KCNJ12: variants seen among roughly 807,000 people sequenced by gnomAD.
The protein encoded by KCNJ12 is ATP-sensitive inward rectifier potassium channel 12.
In KCNJ12, 2 loss-of-function variants were observed where a neutral mutation model predicts 22.3. The ratio of observed to expected loss-of-function variants is 0.09; its 90% CI spans 0.04 to 0.28. KCNJ12 has a LOEUF of 0.28. Among genes scored for constraint, KCNJ12 ranks in the 10% least tolerant of loss-of-function variants. The probability of loss-of-function intolerance (pLI) is 1.00; values close to 1 mark genes in which losing one functional copy is unlikely to be tolerated. For missense variants in KCNJ12, 155 were observed against 633.3 expected, an observed-to-expected ratio of 0.24 and a Z score of 8.11; for synonymous variants, 117 against 261.4, an observed-to-expected ratio of 0.45 and a Z score of 5.33.
chr17:21,414,303 C>T (rs1469979364), intron 2 of KCNJ12, among the ~76,000 whole-genome samples: 7 of 152,276 alleles, frequency 4.6e-5, no homozygotes, highest in African/African-American at 9.6e-5. Context: ...GGTGAAACCC[C>T]GTCTCTACTT....
chr17:21,390,008 C>A (rs1313974298), intron 1 of KCNJ12, among the ~76,000 whole-genome samples: 1 of 152,168 alleles, frequency 6.6e-6, no homozygotes, highest in Non-Finnish European at 1.5e-5. Context: ...CTGCCTCATT[C>A]CAGAACCTTC....
chr17:21,387,733 C>G (rs1905114093), intron 1 of KCNJ12, among the ~76,000 whole-genome samples: 1 of 152,224 alleles, frequency 6.6e-6, no homozygotes, highest in Non-Finnish European at 1.5e-5. Context: ...GTTTAGTTAA[C>G]TGGCCTCACT....
At chr17:21,382,781 G>C (rs1479745642) in intron 1 of KCNJ12, among the ~76,000 whole-genome samples, 1 of 152,208 alleles carries the variant, frequency 6.6e-6, no homozygotes, top group Non-Finnish European at 1.5e-5. Context: ...GGTGTGCCAG[G>C]ATGGGAGATT....
At chr17:21,411,404 C>A (rs1274283624) in intron 2 of KCNJ12, among the ~76,000 whole-genome samples, 1 of 152,226 alleles carries the variant, frequency 6.6e-6, no homozygotes, top group Non-Finnish European at 1.5e-5. Flanking sequence ...CGTGCTCTCT[C>A]CCCACTGCCT....
chr17:21,398,612 T>G (rs1905463700), intron 1 of KCNJ12, among the ~76,000 whole-genome samples: 1 of 152,208 alleles, frequency 6.6e-6, no homozygotes, highest in Admixed American at 6.5e-5. Context: ...GCTGCCGTCC[T>G]GTCCCCATCT....
chr17:21,402,439 CGT>C (rs1363717370), intron 1 of KCNJ12, among the ~76,000 whole-genome samples: 2 of 152,300 alleles, frequency 1.3e-5, no homozygotes, highest in Non-Finnish European at 1.5e-5. Flanking sequence ...CGCCGCTGAG[CGT>C]GTGAGTCAAT....
At chr17:21,410,180 C>A (rs1420729206) in intron 2 of KCNJ12, among the ~76,000 whole-genome samples, 7 of 152,222 alleles carry the variant, frequency 4.6e-5, no homozygotes, top group African/African-American at 1.7e-4. Flanking sequence ...CCCAGCCTAG[C>A]CTTGATGTGG....
chr17:21,395,293 GAA>G (rs1161884090), intron 1 of KCNJ12, among the ~76,000 whole-genome samples: 631 of 55,674 alleles, frequency 0.011, 7 homozygotes, highest in African/African-American at 0.024. Context: ...AGATCCTAAA[GAA>G]AAAAAAAAAA....
intron 1 of KCNJ12, among the ~76,000 whole-genome samples, chr17:21,395,587 A>AAT (rs1905332504): frequency 2.0e-5 from 3 of 151,184 alleles, no homozygotes; most frequent in Non-Finnish European, 4.4e-5. Context: ...AAAAAAAAAA[A>AAT]AAAAAAAGAA....
chr17:21,415,069 T>C (rs1906617312), intron 2 of KCNJ12, among the ~76,000 whole-genome samples: 1 of 152,294 alleles, frequency 6.6e-6, no homozygotes, highest in Non-Finnish European at 1.5e-5. Flanking sequence ...GAGTGAGGTG[T>C]GGAGCTGAGG....
chr17:21,398,107 G>A (rs1300094823), intron 1 of KCNJ12, among the ~76,000 whole-genome samples: 4 of 152,126 alleles, frequency 2.6e-5, no homozygotes, highest in African/African-American at 9.7e-5. Flanking sequence ...GTGTGTGTGT[G>A]TGTGTGTGTG....
chr17:21,400,467 C>G (rs1371840899), intron 1 of KCNJ12, among the ~76,000 whole-genome samples: 2 of 152,298 alleles, frequency 1.3e-5, no homozygotes, highest in South Asian at 2.1e-4. Context: ...CTGTCTCCCC[C>G]GATCTGTGAG....
chr17:21,400,949 G>T (rs1388059231), intron 1 of KCNJ12, among the ~76,000 whole-genome samples: 5 of 152,310 alleles, frequency 3.3e-5, no homozygotes, highest in Non-Finnish European at 2.9e-5. Flanking sequence ...CAGCTCCAGC[G>T]GTCTGCATTG....
intron 2 of KCNJ12, among the ~76,000 whole-genome samples, chr17:21,408,850 C>A (rs1219406054): frequency 6.6e-6 from 1 of 152,270 alleles, no homozygotes. Flanking sequence ...CTCACCCATT[C>A]CCCCACCCAT....
chr17:21,387,198 T>C (rs1482545949), intron 1 of KCNJ12, among the ~76,000 whole-genome samples: 2 of 150,510 alleles, frequency 1.3e-5, no homozygotes, highest in Non-Finnish European at 3.0e-5. Context: ...TGCTCTCCAT[T>C]TTGGGAGGCC....
In KCNJ12 at chr17:21,379,800, G is replaced by T. The variant is rs1326337580; in HGVS notation, c.-179+2887G>T. ...GGCACCATGGGGTTGGGGGTGGGGG[G>T]GGGCCTGGCAGAGGCAGGTGGGTTT... On this transcript the variant is annotated intron_variant, in intron 1 of 2. Coordinates refer to ENST00000583088, the MANE Select transcript of KCNJ12 (RefSeq NM_021012.5). Among the ~76,000 whole-genome samples the T allele has an allele frequency of 1.1e-4, 17 of 152,230 alleles. No homozygotes were observed. The East Asian group carries it at 1.7e-3, about 16-fold the overall frequency.
intron 1 of KCNJ12, among the ~76,000 whole-genome samples, chr17:21,394,612 C>T (rs182577759): frequency 8.5e-5 from 13 of 152,300 alleles, no homozygotes; most frequent in African/African-American, 3.1e-4. Flanking sequence ...CTGCTCTGTG[C>T]CTGCCCTGTG....
intron 1 of KCNJ12, among the ~76,000 whole-genome samples, chr17:21,398,472 C>A (rs1905459703): frequency 6.6e-6 from 1 of 152,346 alleles, no homozygotes; most frequent in Non-Finnish European, 1.5e-5. Flanking sequence ...CCCCCACTGC[C>A]CACAGCATGC....
chr17:21,395,568 C>CAAAAAA (rs10652801), intron 1 of KCNJ12, among the ~76,000 whole-genome samples: 29 of 47,992 alleles, frequency 6.0e-4, no homozygotes, highest in African/African-American at 2.4e-3. Flanking sequence ...GACTTCTTCT[C>CAAAAAA]AAAAAAAAAA....
Sources: allele counts gnomAD v4.1 joint callset (sites outside exome capture counted in the v4.1 genomes callset), GRCh38; gene constraint gnomAD v4.1.1; transcripts MANE v1.5; gene names NCBI Gene and HGNC (gene_info 2026-07-23, HGNC 2026-07-21).